Variants in FAM161A observed in about 807,000 individuals in gnomAD.
FAM161A encodes protein FAM161A.
A neutral mutation model predicts 70.9 loss-of-function variants in FAM161A; 57 were observed. That is an observed-to-expected ratio of 0.80 (90% CI 0.65 to 1.00). FAM161A has a LOEUF of 1.00. Among genes scored for constraint, FAM161A ranks in the 50% least tolerant of loss-of-function variants. The pLI is 0.00. For synonymous variants in FAM161A, 299 were observed against 295.7 expected (o/e 1.01, Z -0.12); for missense variants, 880 against 836.0 (o/e 1.05, Z -0.65).
chr2:61,842,051 A>G, intron 2 of FAM161A, 71 bp downstream of exon 2: 3 of 971,626 alleles, frequency 3.1e-6, no homozygotes, highest in Non-Finnish European at 5.0e-6. Flanking sequence ...ATTATGAAGT[A>G]ACTTTGTTCT....
At chr2:61,828,633 C>A (rs960098340) in intron 5 of FAM161A, among the ~76,000 whole-genome samples, 1 of 152,074 alleles carries the variant, frequency 6.6e-6, no homozygotes, top group African/African-American at 2.4e-5. Flanking sequence ...CAGCCAATTT[C>A]TTTTATTTTA....
chr2:61,802,661 C>G, the FAM161A span, among the ~76,000 whole-genome samples: 8 of 152,126 alleles, frequency 5.3e-5, no homozygotes, highest in Non-Finnish European at 1.2e-4. Context: ...CTTTTAAAAA[C>G]TGTTTCAAAT....
At chr2:61,851,075 T>C (rs1462421624) in intron 1 of FAM161A, among the ~76,000 whole-genome samples, 1 of 151,882 alleles carries the variant, frequency 6.6e-6, no homozygotes, top group African/African-American at 2.4e-5. Flanking sequence ...GGTTTCTCTA[T>C]GTTGGTCACG....
downstream of FAM161A, chr2:61,820,610 G>T (rs1672183157): frequency 1.5e-6 from 1 of 658,256 alleles, no homozygotes. Flanking sequence ...GTATTAAGGG[G>T]TTATTCTTTT....
chr2:61,804,819 A>AAAGAAAGAAAGAAAGG, the FAM161A span, among the ~76,000 whole-genome samples: 4 of 114,240 alleles, frequency 3.5e-5, no homozygotes, highest in East Asian at 2.9e-4. Flanking sequence ...AGAAAGAAAG[A>AAAGAAAGAAAGAAAGG]GAAAGAGAAA....
the FAM161A span, among the ~76,000 whole-genome samples, chr2:61,811,117 A>AG: frequency 1.4e-5 from 1 of 72,968 alleles, no homozygotes; most frequent in African/African-American, 5.6e-5. Context: ...TCCTGAATCC[A>AG]ATATTTCTAC....
chr2:61,839,869 A>G lies in FAM161A; in HGVS notation c.1135T>C (p.Tyr379His). Residue 379 changes from tyrosine (Y) to histidine (H), a missense_variant, in exon 3 of 7, where the codon TAT (tyrosine) becomes CAT (histidine). Physicochemically the swap from Tyr to His is moderately conservative, Grantham distance 83. Coordinates refer to ENST00000404929, the MANE Select transcript of FAM161A (RefSeq NM_001201543.2). ...TNDKLKEEEL[Y>H]RNLRTQLRAQ... ...CTCAGCTGTGTCCTAAGGTTTCGATAGAGCTCTTCTTCTTTTAACTTGTCA... is the reference window on the plus strand; with the variant it reads ...CTCAGCTGTGTCCTAAGGTTTCGATGGAGCTCTTCTTCTTTTAACTTGTCA... 1 of 1,614,238 alleles carries G rather than the reference A, an allele frequency of 6.2e-7. No homozygotes were observed. The highest frequency in any genetic ancestry group is 1.1e-5 in the South Asian group (1 of 91,086).
At chr2:61,828,755 A>G (rs1672468081) in intron 5 of FAM161A, among the ~76,000 whole-genome samples, 1 of 152,228 alleles carries the variant, frequency 6.6e-6, no homozygotes, top group South Asian at 2.1e-4. Flanking sequence ...GGATATAACA[A>G]AAAGAATATG....
chr2:61,814,960 G>A, the FAM161A span, among the ~76,000 whole-genome samples: 2 of 152,130 alleles, frequency 1.3e-5, no homozygotes, highest in South Asian at 2.1e-4. Flanking sequence ...GGAATTTCTC[G>A]TGATTTTTCA....
chr2:61,814,680 A>G, the FAM161A span, among the ~76,000 whole-genome samples: 3 of 152,246 alleles, frequency 2.0e-5, no homozygotes, highest in East Asian at 5.8e-4. Flanking sequence ...GCACCACTGC[A>G]CTCCAGCCTG....
chr2:61,836,140 A>G, intron 4 of FAM161A, 31 bp from the exon 5 acceptor site: 2 of 1,454,474 alleles, frequency 1.4e-6, no homozygotes, highest in Non-Finnish European at 1.9e-6. Flanking sequence ...TGGAATTTTA[A>G]AAGATCATCT....
chr2:61,845,371 C>T lies in FAM161A; in HGVS notation c.184-3011G>A, dbSNP rs149683909. On this transcript the variant is annotated intron_variant, in intron 1 of 6. Coordinates refer to ENST00000404929, the MANE Select transcript of FAM161A (RefSeq NM_001201543.2). Reference sequence around the variant, plus strand: ...CAAACTAAAAGTTATTTAACTCTCACCCAATGCTTTCACCTTTATAGGGTC... The same window carrying T: ...CAAACTAAAAGTTATTTAACTCTCATCCAATGCTTTCACCTTTATAGGGTC... 5.8e-3 allele frequency among the ~76,000 whole-genome samples: 880 copies of T among 152,298 alleles called. 7 individuals carry two copies. The highest frequency in any genetic ancestry group is 8.7e-3 in the Admixed American group (133 of 15,290).
chr2:61,832,248 C>A (rs199550550), intron 5 of FAM161A, among the ~76,000 whole-genome samples: 49,412 of 138,464 alleles, frequency 0.36, 9,721 homozygotes, highest in East Asian at 0.68. Flanking sequence ...GTCACACACA[C>A]ACAAAAAAAA....
At position 61,840,303 on chromosome 2, in the gene FAM161A, G is replaced by GGCACCCATTCTTT. The variant is rs1355275335; in HGVS notation, c.688_700dup (p.Pro234GlnfsTer30). The GGCACCCATTCTTT allele has an allele frequency of 1.2e-6, 2 of 1,613,814 alleles. No individual in the cohort carries two copies. Among genetic ancestry groups the GGCACCCATTCTTT allele is most frequent in the African/African-American group, 2.7e-5 (2 of 74,828 alleles). On this transcript the variant is annotated frameshift_variant, in exon 3 of 7. Coordinates refer to ENST00000404929, the MANE Select transcript of FAM161A (RefSeq NM_001201543.2). LOFTEE classifies it high-confidence loss of function. ...AAAAGGCTCCGGTACTGTAATTGTG[G>GGCACCCATTCTTT]GCACCCATTCTTTTCGTTTCTTCCT...
chr2:61,812,476 C>T, the FAM161A span, among the ~76,000 whole-genome samples: 2 of 152,084 alleles, frequency 1.3e-5, no homozygotes, highest in Non-Finnish European at 2.9e-5. Context: ...AATCCCAGCA[C>T]TTTGGGAGGC....
intron 1 of FAM161A, among the ~76,000 whole-genome samples, chr2:61,848,144 A>G (rs1210733300): frequency 2.0e-5 from 3 of 152,238 alleles, no homozygotes; most frequent in Non-Finnish European, 4.4e-5. Flanking sequence ...CATGTCTTAT[A>G]GCAGTCATTT....
At chr2:61,811,488 C>G in the FAM161A span, among the ~76,000 whole-genome samples, 14 of 152,132 alleles carry the variant, frequency 9.2e-5, no homozygotes, top group African/African-American at 3.4e-4. Context: ...ATTCTCCTGT[C>G]TCAGCCTCCC....
chr2:61,851,915 G>T (rs2105107643), intron 1 of FAM161A, among the ~76,000 whole-genome samples: 1 of 152,192 alleles, frequency 6.6e-6, no homozygotes, highest in East Asian at 1.9e-4. Context: ...TTGTGGGTTA[G>T]GTATAATATT....
At chr2:61,820,474 G>A, downstream of FAM161A, 1 of 755,480 alleles carries the variant, frequency 1.3e-6, no homozygotes, top group Non-Finnish European at 2.4e-6. Context: ...TGTCTCAAGA[G>A]AAGGTTCTCA....
Sources: gnomAD v4.1 joint callset for allele counts (sites outside exome capture counted in the v4.1 genomes callset) on GRCh38, gnomAD v4.1.1 for gene constraint, MANE v1.5 for transcripts, NCBI Gene and HGNC (gene_info 2026-07-23, HGNC 2026-07-21) for gene names.